CATSPERT: variants seen among roughly 807,000 people sequenced by gnomAD.
CATSPERT encodes the protein cation channel sperm-associated targeting subunit tau.
the CATSPERT span, among the ~76,000 whole-genome samples, chr2:201,610,319 G>A: frequency 1.1e-4 from 17 of 152,166 alleles, no homozygotes; most frequent in Admixed American, 3.3e-4. Context: ...TTAGCCGGGC[G>A]TGGTGGCGGG....
the CATSPERT span, among the ~76,000 whole-genome samples, chr2:201,520,953 T>TA: frequency 6.7e-6 from 1 of 150,350 alleles, no homozygotes; most frequent in Non-Finnish European, 1.5e-5. Context: ...AAAAAATCAT[T>TA]AGAGACTACC....
chr2:201,567,474 C>G, the CATSPERT span, among the ~76,000 whole-genome samples: 1 of 152,112 alleles, frequency 6.6e-6, no homozygotes, highest in East Asian at 1.9e-4. Flanking sequence ...AATCAGCAAG[C>G]TGGAGACCCA....
the CATSPERT span, among the ~76,000 whole-genome samples, chr2:201,533,382 G>C: frequency 6.6e-6 from 1 of 152,188 alleles, no homozygotes; most frequent in Non-Finnish European, 1.5e-5. Flanking sequence ...GCCAAAACAT[G>C]AGGGCAAGGC....
At chr2:201,566,350 TC>T in the CATSPERT span, among the ~76,000 whole-genome samples, 5 of 80,510 alleles carry the variant, frequency 6.2e-5, no homozygotes, top group African/African-American at 1.0e-4. Context: ...ATGCTCTCCC[TC>T]CCCCCTCCCC....
At chr2:201,613,252 C>T in the CATSPERT span, among the ~76,000 whole-genome samples, 2 of 152,240 alleles carry the variant, frequency 1.3e-5, no homozygotes, top group Admixed American at 6.5e-5. Flanking sequence ...CAGACTGCCT[C>T]CTCAAGTGGG....
the CATSPERT span, among the ~76,000 whole-genome samples, chr2:201,488,339 T>C: frequency 6.6e-6 from 1 of 152,236 alleles, no homozygotes; most frequent in Non-Finnish European, 1.5e-5. Flanking sequence ...AACTCTTATA[T>C]TTTACTTTTC....
the CATSPERT span, chr2:201,537,489 CAATT>C: frequency 1.3e-6 from 2 of 1,574,570 alleles, no homozygotes; most frequent in African/African-American, 1.4e-5. Flanking sequence ...TCTGCTTAAA[CAATT>C]AATAGGGGTA....
chr2:201,571,963 G>T, the CATSPERT span: 1 of 1,613,428 alleles, frequency 6.2e-7, no homozygotes, highest in Non-Finnish European at 8.5e-7. Flanking sequence ...GTTCTTTCTG[G>T]AGGTGGTGCA....
chr2:201,547,577 C>T, the CATSPERT span: 2 of 1,541,876 alleles, frequency 1.3e-6, no homozygotes, highest in Non-Finnish European at 8.8e-7. Flanking sequence ...TCCATGTATT[C>T]AGATTTCTAT....
the CATSPERT span, chr2:201,574,286 G>T: frequency 6.3e-7 from 1 of 1,593,330 alleles, no homozygotes; most frequent in Non-Finnish European, 8.5e-7. Flanking sequence ...AACTAAACAT[G>T]TGATAAATTT....
At chr2:201,594,630 T>C in the CATSPERT span, among the ~76,000 whole-genome samples, 829 of 152,224 alleles carry the variant, frequency 5.4e-3, 8 homozygotes, top group African/African-American at 0.019. Context: ...CAGACGTAGA[T>C]TTGGTCTTTT....
the CATSPERT span, among the ~76,000 whole-genome samples, chr2:201,545,842 A>G: frequency 6.6e-6 from 1 of 152,104 alleles, no homozygotes; most frequent in Non-Finnish European, 1.5e-5. Flanking sequence ...CTAGGAGTTG[A>G]TGTTCCAAAG....
chr2:201,582,259 G>C, the CATSPERT span: 1 of 1,548,180 alleles, frequency 6.5e-7, no homozygotes, highest in East Asian at 2.3e-5. Flanking sequence ...TTAAATTTGA[G>C]CCTAAATATT....
the CATSPERT span, among the ~76,000 whole-genome samples, chr2:201,529,044 CA>C: frequency 6.6e-5 from 10 of 151,896 alleles, no homozygotes; most frequent in African/African-American, 2.4e-4. Context: ...TAAATTTAAC[CA>C]AGGAGGTAAA....
the CATSPERT span, among the ~76,000 whole-genome samples, chr2:201,503,945 A>G: frequency 6.6e-6 from 1 of 152,098 alleles, no homozygotes; most frequent in Non-Finnish European, 1.5e-5. Flanking sequence ...GATTCTACTT[A>G]CTCTCATGTG....
At chr2:201,538,181 T>G in the CATSPERT span, among the ~76,000 whole-genome samples, 19 of 152,034 alleles carry the variant, frequency 1.2e-4, no homozygotes, top group Non-Finnish European at 2.2e-4. Flanking sequence ...CAATTCCCTA[T>G]TTGCCCCTCC....
the CATSPERT span, among the ~76,000 whole-genome samples, chr2:201,532,806 G>A: frequency 6.6e-6 from 1 of 152,072 alleles, no homozygotes; most frequent in African/African-American, 2.4e-5. Context: ...ACAGAGATGA[G>A]GACTGAGAAC....
At chr2:201,499,831 TA>T in the CATSPERT span, among the ~76,000 whole-genome samples, 27 of 147,588 alleles carry the variant, frequency 1.8e-4, no homozygotes, top group African/African-American at 5.9e-4. Flanking sequence ...AGACCCTGTC[TA>T]AAAAAAATTA....
chr2:201,556,559 G>C, the CATSPERT span, among the ~76,000 whole-genome samples: 4 of 151,334 alleles, frequency 2.6e-5, no homozygotes, highest in Non-Finnish European at 4.4e-5. Flanking sequence ...TAAGTGTTTG[G>C]CTCACATCTG....
Sources: gnomAD v4.1 joint callset for allele counts (sites outside exome capture counted in the v4.1 genomes callset) on GRCh38, gnomAD v4.1.1 for gene constraint, MANE v1.5 for transcripts, NCBI Gene and HGNC (gene_info 2026-07-23, HGNC 2026-07-21) for gene names.